Variants in SLC6A17 observed in about 807,000 individuals in gnomAD.
The protein encoded by SLC6A17 is solute carrier family 6 member 17, also known as sodium-dependent neutral amino acid transporter SLC6A17.
In SLC6A17, 21 loss-of-function variants were observed where a neutral mutation model predicts 64.5. That is an observed-to-expected ratio of 0.33 (90% CI 0.23 to 0.47). The LOEUF is 0.47. SLC6A17 is among the 20% of genes least tolerant of loss of function. SLC6A17 has a pLI of 1.00. For missense variants in SLC6A17, 682 were observed against 963.2 expected, an observed-to-expected ratio of 0.71 and a Z score of 3.86; for synonymous variants, 372 against 399.5, an observed-to-expected ratio of 0.93 and a Z score of 0.82.
At chr1:110,174,245 C>T in intron 4 of SLC6A17, 146 bp downstream of exon 4, 5 of 1,196,520 alleles carry the variant, frequency 4.2e-6, no homozygotes, top group Non-Finnish European at 5.7e-6. Flanking sequence ...TTCCCCTTCC[C>T]CAGTGGGAAT....
Position 110,199,712 on chromosome 1 carries a change from G to A in SLC6A17, c.*1268G>A, listed in dbSNP as rs111981379. On this transcript the variant is annotated 3_prime_UTR_variant, in exon 12 of 12. Transcript: ENST00000331565. ...TGGTCTTCAGGATGGAGGCCAGCCT[G>A]TGCAGAAGGCTGCAGCTGACAACAG... 157 of 368,502 alleles carry A rather than the reference G, an allele frequency of 4.3e-4. 1 individual carries two copies. Among genetic ancestry groups the A allele is most frequent in the African/African-American group, 2.9e-3 (142 of 48,142 alleles). The allele number at this position is 368,502 out of a possible 1,614,324, so 22.8% of individuals were successfully genotyped here.
chr1:110,198,192 C>A lies in SLC6A17; in HGVS notation c.1932C>A (p.Leu644=), dbSNP rs1162798273. ...TCGTCCTGCGGCACTTCCACCTGCT[C>A]TCTGATGGCTCCAACACCCTCTCCG... ...VVFVLRHFHL[L]SDGSNTLSVS... Residue 644 remains leucine (L), a synonymous_variant, in exon 12 of 12, where the codon CTC becomes CTA. Coordinates refer to ENST00000331565, the MANE Select transcript of SLC6A17 (RefSeq NM_001010898.4). 1.2e-6 allele frequency: 2 copies of A among 1,614,030 alleles called. No homozygotes were observed. Among genetic ancestry groups the A allele is most frequent in the Non-Finnish European group, 1.7e-6 (2 of 1,180,018 alleles).
intron 3 of SLC6A17, 128 bp downstream of exon 3, chr1:110,172,345 A>G: frequency 8.3e-7 from 1 of 1,211,978 alleles, no homozygotes; most frequent in Non-Finnish European, 1.1e-6. Context: ...GGGATCCTCA[A>G]CATGGGAATT....
At chr1:110,170,449 C>A (rs1013966641) in intron 2 of SLC6A17, among the ~76,000 whole-genome samples, 2 of 152,092 alleles carry the variant, frequency 1.3e-5, no homozygotes, top group Admixed American at 6.6e-5. Flanking sequence ...GCGCCACTGC[C>A]CTCCAGCCTG....
chr1:110,168,813 C>T (rs1656142744), intron 2 of SLC6A17, among the ~76,000 whole-genome samples: 1 of 152,218 alleles, frequency 6.6e-6, no homozygotes, highest in Admixed American at 6.5e-5. Flanking sequence ...CAAGCACTCA[C>T]ACCCAGGGCA....
At chr1:110,197,996 C>T in intron 11 of SLC6A17, 80 bp from the exon 12 acceptor site, 1 of 1,532,926 alleles carries the variant, frequency 6.5e-7, no homozygotes, top group Non-Finnish European at 8.7e-7. Context: ...TGGGTGAGGG[C>T]AGGAGAGCAG....
intron 1 of SLC6A17, among the ~76,000 whole-genome samples, chr1:110,151,423 G>T (rs1260771480): frequency 6.6e-6 from 1 of 152,232 alleles, no homozygotes; most frequent in Non-Finnish European, 1.5e-5. Context: ...GCTGGTCCTC[G>T]CTGGATTCGG....
chr1:110,200,774 GGTGT>G lies in SLC6A17; in HGVS notation c.*2338_*2341del, dbSNP rs1000091998. 1.3e-5 allele frequency: 2 copies of G among 152,568 alleles called. No individual in the cohort carries two copies. The highest frequency in any genetic ancestry group is 2.9e-5 in the Non-Finnish European group (2 of 68,298). The allele number at this position is 152,568 out of a possible 1,614,324, so 9.5% of individuals were successfully genotyped here. On this transcript the variant is annotated 3_prime_UTR_variant, in exon 12 of 12. Transcript: ENST00000331565. ...GTTAGACGTAGGGCCTAGAGCTCGGGGTGTGTGTGTGCGTGCTGTGTGTATGGTG... is the reference window on the plus strand; with the variant it reads ...GTTAGACGTAGGGCCTAGAGCTCGGGGTGTGTGCGTGCTGTGTGTATGGTG...
At chr1:110,183,521 G>A (rs546223761) in intron 6 of SLC6A17, among the ~76,000 whole-genome samples, 1 of 152,258 alleles carries the variant, frequency 6.6e-6, no homozygotes, top group South Asian at 2.1e-4. Flanking sequence ...TTCTTTTTGG[G>A]GTGATGAAGA....
chr1:110,172,383 G>A (rs1656265870), intron 3 of SLC6A17, 166 bp downstream of exon 3: 2 of 866,050 alleles, frequency 2.3e-6, no homozygotes, highest in Non-Finnish European at 3.4e-6. Context: ...CAGGACCCCA[G>A]TCACCATGTT....
chr1:110,153,398 A>G (rs1397286460), intron 1 of SLC6A17, among the ~76,000 whole-genome samples: 1 of 152,136 alleles, frequency 6.6e-6, no homozygotes, highest in Non-Finnish European at 1.5e-5. Flanking sequence ...CGTCTATAAA[A>G]TGTCCAGATT....
intron 1 of SLC6A17, among the ~76,000 whole-genome samples, chr1:110,157,153 C>T (rs1446710585): frequency 1.3e-5 from 2 of 152,214 alleles, no homozygotes; most frequent in Admixed American, 6.5e-5. Context: ...CAGCACCTCA[C>T]GTCCTCATTT....
chr1:110,168,639 G>T (rs967873610), intron 2 of SLC6A17, among the ~76,000 whole-genome samples: 1 of 152,222 alleles, frequency 6.6e-6, no homozygotes, highest in African/African-American at 2.4e-5. Context: ...TTTATGCCCT[G>T]TGAGATGTTG....
chr1:110,190,415 C>T (rs1270410375), intron 6 of SLC6A17, among the ~76,000 whole-genome samples: 2 of 152,178 alleles, frequency 1.3e-5, no homozygotes, highest in Non-Finnish European at 2.9e-5. Context: ...ATGGGGGTGC[C>T]GCCCTCAGCC....
intron 6 of SLC6A17, among the ~76,000 whole-genome samples, chr1:110,186,912 C>T (rs1480248565): frequency 1.3e-5 from 2 of 152,048 alleles, no homozygotes; most frequent in Non-Finnish European, 2.9e-5. Context: ...AGGAGTTTAC[C>T]AGAAAGTGAG....
chr1:110,155,607 G>A (rs1655734966), intron 1 of SLC6A17, among the ~76,000 whole-genome samples: 1 of 152,132 alleles, frequency 6.6e-6, no homozygotes, highest in Non-Finnish European at 1.5e-5. Context: ...ACAGGCCCTG[G>A]GGTCACCTCA....
rs761381232 is a variant in SLC6A17, at chr1:110,197,422, T to C, written c.1653-15T>C. ...GAGGGATGCCAACTGCTGGACCCTC[T>C]GCTATGCCTGGCAGGTTCATGCAGG... On this transcript the variant is annotated splice_polypyrimidine_tract_variant and intron_variant, in intron 10 of 11. Transcript: ENST00000331565. 6.2e-7 allele frequency: 1 copy of C among 1,604,032 alleles called. No individual in the cohort carries two copies. The highest frequency in any genetic ancestry group is 8.5e-7 in the Non-Finnish European group (1 of 1,175,260).
chr1:110,164,041 C>T (rs1469020533), intron 1 of SLC6A17, among the ~76,000 whole-genome samples: 2 of 152,086 alleles, frequency 1.3e-5, no homozygotes, highest in African/African-American at 2.4e-5. Context: ...CATTATCCAT[C>T]GATTTCTTTA....
At position 110,194,662 on chromosome 1, in the gene SLC6A17, G is replaced by A; in HGVS notation, c.1383G>A (p.Met461Ile). ...CCGCCTCCCCGTTCTGGTCCGTCAT[G>A]TTCTTCTTGATGCTTATCAACCTGG... is the stretch of plus-strand genomic sequence containing the variant. ...HFPASPFWSV[M>I]FFLMLINLGL... Residue 461 changes from methionine to isoleucine, a missense_variant, in exon 9 of 12, where the codon ATG (methionine) becomes ATA (isoleucine). Transcript: ENST00000331565. The A allele has an allele frequency of 6.2e-7, 1 of 1,614,218 alleles. No individual in the cohort carries two copies. Among genetic ancestry groups the A allele is most frequent in the Non-Finnish European group, 8.5e-7 (1 of 1,180,048 alleles).
Sources: allele counts gnomAD v4.1 joint callset (sites outside exome capture counted in the v4.1 genomes callset), GRCh38; gene constraint gnomAD v4.1.1; transcripts MANE v1.5; gene names NCBI Gene and HGNC (gene_info 2026-07-23, HGNC 2026-07-21).